Variants in CLTA observed in about 807,000 individuals in gnomAD.
CLTA encodes clathrin light chain A.
In CLTA, 9 loss-of-function variants were observed where a neutral mutation model predicts 26.9. The ratio of observed to expected loss-of-function variants is 0.33; its 90% CI spans 0.20 to 0.58. CLTA has a LOEUF of 0.58. Ranked by LOEUF, CLTA falls within the 20% of genes least tolerant of loss-of-function variation. The probability of loss-of-function intolerance (pLI) is 0.85; values close to 1 mark genes in which losing one functional copy is unlikely to be tolerated. For synonymous variants in CLTA, 120 were observed against 115.5 expected, an observed-to-expected ratio of 1.04 and a Z score of -0.25; for missense variants, 278 against 294.2, an observed-to-expected ratio of 0.94 and a Z score of 0.40.
chr9:36,197,455 G>T (rs1284395592), intron 1 of CLTA, 96 bp from the exon 2 acceptor site: 4 of 766,318 alleles, frequency 5.2e-6, no homozygotes, highest in East Asian at 5.2e-5. Context: ...GTAGCTCAAG[G>T]TTCATACAGC....
At chr9:36,200,924 G>T (rs1300083698) in intron 3 of CLTA, among the ~76,000 whole-genome samples, 2 of 152,160 alleles carry the variant, frequency 1.3e-5, no homozygotes, top group Non-Finnish European at 2.9e-5. Flanking sequence ...CTTGTTCTTT[G>T]TGTCTCTTGA....
At chr9:36,196,029 A>G (rs1279204254) in intron 1 of CLTA, among the ~76,000 whole-genome samples, 6 of 152,006 alleles carry the variant, frequency 3.9e-5, no homozygotes, top group Non-Finnish European at 5.9e-5. Flanking sequence ...TAATCCCAGC[A>G]CTTTGGGAGG....
intron 4 of CLTA, among the ~76,000 whole-genome samples, chr9:36,207,426 C>G (rs2132941921): frequency 6.6e-6 from 1 of 152,366 alleles, no homozygotes; most frequent in East Asian, 1.9e-4. Context: ...TTTGGGGAAC[C>G]CACAGTTCTC....
At chr9:36,196,259 G>A (rs1827023278) in intron 1 of CLTA, among the ~76,000 whole-genome samples, 1 of 150,114 alleles carries the variant, frequency 6.7e-6, no homozygotes, top group African/African-American at 2.5e-5. Context: ...CTCTAGCCTG[G>A]GCAACAGAGC....
Position 36,191,163 on chromosome 9 carries a change from T to C in CLTA, c.107T>C (p.Leu36Ser). Residue 36 changes from leucine (L) to serine (S), a missense_variant, in exon 1 of 5, where the codon TTG (leucine) becomes TCG (serine). Coordinates refer to ENST00000345519, the MANE Select transcript of CLTA (RefSeq NM_001833.4). ...GAAGAAGACCCGGCTGCGGCCTTCTTGGCGCAGCAAGAGAGCGAGATTGCG... is the reference window on the plus strand; with the variant it reads ...GAAGAAGACCCGGCTGCGGCCTTCTCGGCGCAGCAAGAGAGCGAGATTGCG... ...AGEEDPAAAFLAQQESEIAGI... is the reference protein window; with the variant it reads ...AGEEDPAAAFSAQQESEIAGI... 1 of 1,597,666 alleles carries C rather than the reference T, an allele frequency of 6.3e-7. No individual in the cohort carries two copies.
At chr9:36,198,638 G>A (rs1401257130) in intron 2 of CLTA, among the ~76,000 whole-genome samples, 6 of 148,244 alleles carry the variant, frequency 4.0e-5, no homozygotes, top group South Asian at 2.2e-4. Flanking sequence ...CCAAGATTGC[G>A]CCACTGCACT....
chr9:36,199,539 T>C (rs1376697558), intron 3 of CLTA, among the ~76,000 whole-genome samples: 1 of 151,122 alleles, frequency 6.6e-6, no homozygotes, highest in Non-Finnish European at 1.5e-5. Flanking sequence ...AAGCTCTGCC[T>C]CCCGGGTTCA....
intron 3 of CLTA, among the ~76,000 whole-genome samples, chr9:36,201,656 G>A (rs1390541069): frequency 2.0e-5 from 3 of 152,134 alleles, no homozygotes; most frequent in Non-Finnish European, 4.4e-5. Flanking sequence ...AATCAAAAAG[G>A]TAATTATTTG....
intron 1 of CLTA, among the ~76,000 whole-genome samples, chr9:36,194,203 T>A (rs1347828293): frequency 6.6e-6 from 1 of 152,168 alleles, no homozygotes; most frequent in Non-Finnish European, 1.5e-5. Context: ...CTTTTTGTAT[T>A]TTTAGTAGAG....
chr9:36,191,333 GT>G, intron 1 of CLTA, 60 bp downstream of exon 1: 2 of 1,439,186 alleles, frequency 1.4e-6, no homozygotes, highest in Non-Finnish European at 1.8e-6. Context: ...TCCACAGTGG[GT>G]CCGAGAGCTT....
Position 36,204,142 on chromosome 9 carries a change from C to A in CLTA, c.448C>A (p.Gln150Lys), listed in dbSNP as rs746213047. 1 of 1,613,978 alleles carries A rather than the reference C, an allele frequency of 6.2e-7. No individual in the cohort carries two copies. Among genetic ancestry groups the A allele is most frequent in the Non-Finnish European group, 8.5e-7 (1 of 1,179,990 alleles). ...GGAGCTAGAAGAATGGTATGCAAGA[C>A]AGGACGAGCAGCTACAGAAAACAAA... is the stretch of plus-strand genomic sequence containing the variant. ...IKELEEWYAR[Q>K]DEQLQKTKAN... The change falls in exon 4 of 5, where the codon CAG becomes AAG. Residue 150 changes from glutamine (Q) to lysine (K), a missense_variant. Gln to Lys is a moderately conservative substitution (Grantham distance 53). Coordinates refer to ENST00000345519, the MANE Select transcript of CLTA (RefSeq NM_001833.4).
chr9:36,211,692 C>A lies in CLTA; in HGVS notation c.575C>A (p.Pro192His). The A allele has an allele frequency of 6.2e-7, 1 of 1,614,144 alleles. No individual in the cohort carries two copies. The highest frequency in any genetic ancestry group is 2.2e-5 in the East Asian group (1 of 44,878). The change falls in exon 5 of 5, where the codon CCC (proline) becomes CAC (histidine). Residue 192 changes from proline to histidine, a missense_variant. Transcript: ENST00000345519. Reference sequence around the variant, plus strand: ...GTGGCCCGGCTGTGTGACTTTAACCCCAAGTCTAGCAAGCAGGCCAAAGAT... The same window carrying A: ...GTGGCCCGGCTGTGTGACTTTAACCACAAGTCTAGCAAGCAGGCCAAAGAT... ...ERVARLCDFN[P>H]KSSKQAKDVS...
At chr9:36,197,729 T>A in intron 2 of CLTA, 141 bp downstream of exon 2, 1 of 645,116 alleles carries the variant, frequency 1.6e-6, no homozygotes, top group Non-Finnish European at 2.7e-6. Context: ...TCTACCAAAG[T>A]GGAAAGATTT....
chr9:36,195,758 G>T (rs184385805), intron 1 of CLTA, among the ~76,000 whole-genome samples: 2 of 152,280 alleles, frequency 1.3e-5, no homozygotes, highest in African/African-American at 4.8e-5. Flanking sequence ...CCTGAGGTCA[G>T]GAGTTTGAGA....
At chr9:36,209,960 G>C (rs533784114) in intron 4 of CLTA, among the ~76,000 whole-genome samples, 24 of 152,310 alleles carry the variant, frequency 1.6e-4, no homozygotes, top group African/African-American at 5.3e-4. Context: ...CTGTCTCCTA[G>C]CACAGGGAAG....
chr9:36,190,971 C>A lies in CLTA; in HGVS notation c.-86C>A. 6.9e-7 allele frequency: 1 copy of A among 1,456,580 alleles called. No individual in the cohort carries two copies. Among genetic ancestry groups the A allele is most frequent in the South Asian group, 1.4e-5 (1 of 69,216 alleles). The allele number at this position is 1,456,580 out of a possible 1,614,324, so 90.2% of individuals were successfully genotyped here. Reference sequence around the variant, plus strand: ...GCTTGTCCTCCTCTCCCAGTCGGCACCACAGCGGTGGCTGCCGGGCGTGGT... The same window carrying A: ...GCTTGTCCTCCTCTCCCAGTCGGCAACACAGCGGTGGCTGCCGGGCGTGGT... On this transcript the variant is annotated 5_prime_UTR_variant, in exon 1 of 5. Transcript: ENST00000345519.
At chr9:36,202,975 G>A (rs1272151350) in intron 3 of CLTA, among the ~76,000 whole-genome samples, 1 of 151,962 alleles carries the variant, frequency 6.6e-6, no homozygotes, top group African/African-American at 2.4e-5. Context: ...GGGATTATAG[G>A]CATGCACCAC....
At chr9:36,197,222 C>T (rs528009614) in intron 1 of CLTA, among the ~76,000 whole-genome samples, 105 of 150,242 alleles carry the variant, frequency 7.0e-4, no homozygotes, top group African/African-American at 2.5e-3. Flanking sequence ...CCAGGCCACA[C>T]TTTTTTTTTT....
chr9:36,206,897 AAAAAG>A (rs1185561689), intron 4 of CLTA, among the ~76,000 whole-genome samples: 4 of 150,230 alleles, frequency 2.7e-5, no homozygotes, highest in Non-Finnish European at 3.0e-5. Flanking sequence ...TCAGTCTGAA[AAAAAG>A]AAAAGAAAAA....
Sources: gnomAD v4.1 joint callset for allele counts (sites outside exome capture counted in the v4.1 genomes callset) on GRCh38, gnomAD v4.1.1 for gene constraint, MANE v1.5 for transcripts, NCBI Gene and HGNC (gene_info 2026-07-23, HGNC 2026-07-21) for gene names.